ACTR3C: variants seen among roughly 807,000 people sequenced by gnomAD.
ACTR3C encodes actin-related protein 3C.
Under a neutral mutation model 26.3 loss-of-function variants are expected in ACTR3C, and 18 were observed. The ratio of observed to expected loss-of-function variants is 0.68; its 90% CI spans 0.47 to 1.01. The LOEUF (loss-of-function observed/expected upper bound fraction) is 1.01. ACTR3C is among the 50% of genes least tolerant of loss of function. The probability of loss-of-function intolerance (pLI) is 0.00; values close to 1 mark genes in which losing one functional copy is unlikely to be tolerated. For missense variants in ACTR3C, 184 were observed against 250.7 expected (o/e 0.73, Z 1.80); for synonymous variants, 55 against 94.5 (o/e 0.58, Z 2.42).
At chr7:150,120,403 T>C in the ACTR3C span, among the ~76,000 whole-genome samples, 1 of 151,966 alleles carries the variant, frequency 6.6e-6, no homozygotes, top group Non-Finnish European at 1.5e-5. Flanking sequence ...AAAGGGGATA[T>C]CAACACTGAT....
chr7:150,248,916 C>T (rs1275383246), intron 7 of ACTR3C, 32 bp downstream of exon 7: 3 of 490,062 alleles, frequency 6.1e-6, no homozygotes, highest in Non-Finnish European at 1.1e-5. Context: ...AAAAGTAGAG[C>T]CTAGAATTAA....
chr7:149,981,559 G>T, the ACTR3C span, among the ~76,000 whole-genome samples: 2 of 150,054 alleles, frequency 1.3e-5, no homozygotes, highest in South Asian at 2.1e-4. Flanking sequence ...ACTCAGACTG[G>T]TCAATGCCTT....
chr7:149,987,989 C>T, the ACTR3C span, among the ~76,000 whole-genome samples: 1 of 152,208 alleles, frequency 6.6e-6, no homozygotes, highest in African/African-American at 2.4e-5. Context: ...ATAACTTCCC[C>T]AATTACTCTA....
chr7:150,296,837 GTCTC>G (rs1159373441), intron 1 of ACTR3C, among the ~76,000 whole-genome samples: 2 of 147,780 alleles, frequency 1.4e-5, no homozygotes, highest in Non-Finnish European at 3.0e-5. Context: ...CCAGAAATCA[GTCTC>G]TCTCTCCTAT....
the ACTR3C span, among the ~76,000 whole-genome samples, chr7:149,884,359 G>A: frequency 1.6e-4 from 25 of 152,300 alleles, no homozygotes; most frequent in African/African-American, 5.5e-4. Context: ...GGAAATGTTG[G>A]TCAAAAGATA....
chr7:149,918,629 G>C, the ACTR3C span, among the ~76,000 whole-genome samples: 1 of 152,224 alleles, frequency 6.6e-6, no homozygotes, highest in Non-Finnish European at 1.5e-5. Flanking sequence ...GGCGGAGGTT[G>C]CAGTGAGTTG....
At chr7:149,887,397 C>T in the ACTR3C span, among the ~76,000 whole-genome samples, 239 of 152,278 alleles carry the variant, frequency 1.6e-3, no homozygotes, top group Non-Finnish European at 2.4e-3. Context: ...TTACAGAGAG[C>T]GAGACTGTGA....
chr7:150,012,528 G>C, the ACTR3C span, among the ~76,000 whole-genome samples: 2 of 150,412 alleles, frequency 1.3e-5, no homozygotes, highest in Admixed American at 6.6e-5. Context: ...TGTTAGCCAG[G>C]ATGGTCTCGA....
At chr7:150,028,730 G>A in the ACTR3C span, among the ~76,000 whole-genome samples, 12 of 152,350 alleles carry the variant, frequency 7.9e-5, no homozygotes, top group Middle Eastern at 3.4e-3. Flanking sequence ...CCTCGGGTTC[G>A]TGTTAATCCG....
chr7:150,040,050 C>T, the ACTR3C span, among the ~76,000 whole-genome samples: 8 of 133,910 alleles, frequency 6.0e-5, no homozygotes, highest in South Asian at 6.5e-4. Flanking sequence ...GTCCCCGCCT[C>T]GCGGGGGGTG....
At chr7:150,322,807 G>A (rs900408448) in intron 1 of ACTR3C, 1 of 152,248 alleles carries the variant, frequency 6.6e-6, no homozygotes, top group Admixed American at 6.5e-5. Flanking sequence ...TTAGGGCCTG[G>A]ATCGGGACCC....
At chr7:150,210,269 T>G in the ACTR3C span, among the ~76,000 whole-genome samples, 1 of 149,744 alleles carries the variant, frequency 6.7e-6, no homozygotes, top group Non-Finnish European at 1.5e-5. Context: ...AAGCTGCAGG[T>G]AGAAATATAA....
chr7:150,030,682 C>T, the ACTR3C span, among the ~76,000 whole-genome samples: 38 of 150,926 alleles, frequency 2.5e-4, no homozygotes, highest in Non-Finnish European at 3.6e-4. Context: ...ACTTTCTTCG[C>T]TCCTACTCTT....
At chr7:150,035,146 G>T in the ACTR3C span, among the ~76,000 whole-genome samples, 4 of 134,970 alleles carry the variant, frequency 3.0e-5, no homozygotes, top group African/African-American at 8.2e-5. Flanking sequence ...TAGGATCAAC[G>T]ATGGGGGTCC....
the ACTR3C span, among the ~76,000 whole-genome samples, chr7:150,030,661 A>G: frequency 9.8e-4 from 150 of 152,328 alleles, 2 homozygotes; most frequent in African/African-American, 3.5e-3. Flanking sequence ...GCCCTTCTAC[A>G]TGAGACTCTC....
chr7:150,109,460 T>C, the ACTR3C span, among the ~76,000 whole-genome samples: 3 of 151,904 alleles, frequency 2.0e-5, no homozygotes, highest in Non-Finnish European at 2.9e-5. Context: ...GCCAGAGTCA[T>C]GGCAATGCCC....
chr7:149,947,453 A>C, the ACTR3C span, among the ~76,000 whole-genome samples: 1 of 93,040 alleles, frequency 1.1e-5, no homozygotes, highest in Non-Finnish European at 2.1e-5. Flanking sequence ...TCATCATCCC[A>C]CTCACATCCT....
the ACTR3C span, among the ~76,000 whole-genome samples, chr7:150,139,990 GCATGCACACACATTCACACACA>G: frequency 6.6e-6 from 1 of 151,224 alleles, no homozygotes; most frequent in African/African-American, 2.5e-5. Context: ...ACACACATAC[GCATGCACACACATTCACACACA>G]CATGCACACA....
chr7:150,058,826 A>T, the ACTR3C span, among the ~76,000 whole-genome samples: 2 of 152,148 alleles, frequency 1.3e-5, no homozygotes, highest in Admixed American at 6.5e-5. Flanking sequence ...GAGGCAGGAG[A>T]ATCACTTGAA....
Sources: gnomAD v4.1 joint callset for allele counts (sites outside exome capture counted in the v4.1 genomes callset) on GRCh38, gnomAD v4.1.1 for gene constraint, MANE v1.5 for transcripts, NCBI Gene and HGNC (gene_info 2026-07-23, HGNC 2026-07-21) for gene names.